Variants in RNF43 observed in about 807,000 individuals in gnomAD.
The protein encoded by RNF43 is ring finger protein 43.
In RNF43, 37 loss-of-function variants were observed where a neutral mutation model predicts 78.4. That is an observed-to-expected ratio of 0.47 (90% confidence interval 0.36 to 0.62). RNF43 has a LOEUF of 0.62. RNF43 is among the 20% of genes least tolerant of loss of function. The probability of loss-of-function intolerance (pLI) is 0.00; values close to 1 mark genes in which losing one functional copy is unlikely to be tolerated. For missense variants in RNF43, 774 were observed against 1,007.9 expected (o/e 0.77, Z 3.14); for synonymous variants, 347 against 395.0 (o/e 0.88, Z 1.44).
rs1434982757 is a variant in RNF43 at position 58,357,233 on chromosome 17, TC to T, written c.2308+234del. 1 of 715,306 alleles carries T rather than the reference TC, an allele frequency of 1.4e-6. No homozygotes were observed. The highest frequency in any genetic ancestry group is 2.5e-6 in the Non-Finnish European group (1 of 396,258). 44.3% of individuals were successfully genotyped at this position (715,306 alleles called of 1,614,324 possible). On this transcript the variant is annotated intron_variant, in intron 9 of 9. Transcript: ENST00000407977. This position sits in a 1 kb window ranked among gnomAD's most constrained non-coding sequence, Gnocchi z 4.5. ...CTGATGCCTCAGCCACACCAGCACC[TC>T]CCTGGGACCTCCCTGTGATCTGCCA...
intron 2 of RNF43, among the ~76,000 whole-genome samples, chr17:58,405,068 CTTTTTTTTTTTTTTT>C (rs35147601): frequency 2.5e-5 from 2 of 79,604 alleles, no homozygotes; most frequent in Non-Finnish European, 4.8e-5. Context: ...TGTAGTACTT[CTTTTTTTTTTTTTTT>C]TTTTTTTTTT....
At chr17:58,372,630 C>T (rs2143524825) in intron 2 of RNF43, among the ~76,000 whole-genome samples, 1 of 152,304 alleles carries the variant, frequency 6.6e-6, no homozygotes, top group Non-Finnish European at 1.5e-5. Context: ...AAGAGAGGCT[C>T]CTTGCCTTAA....
intron 3 of RNF43, among the ~76,000 whole-genome samples, chr17:58,368,763 ATATTTAT>A (rs1973010679): frequency 6.6e-6 from 1 of 152,146 alleles, no homozygotes; most frequent in African/African-American, 2.4e-5. Context: ...CAAACTAACT[ATATTTAT>A]TACTTACAAT....
At chr17:58,378,959 TGCTAACA>T (rs1238320180) in intron 2 of RNF43, among the ~76,000 whole-genome samples, 3 of 152,186 alleles carry the variant, frequency 2.0e-5, no homozygotes, top group African/African-American at 7.2e-5. Flanking sequence ...AGATGTAAAT[TGCTAACA>T]GCTGAGCCTG....
intron 6 of RNF43, among the ~76,000 whole-genome samples, chr17:58,361,961 A>G (rs1972842384): frequency 6.6e-6 from 1 of 152,166 alleles, no homozygotes; most frequent in African/African-American, 2.4e-5. Context: ...TACAAAAATT[A>G]GTAGCTCCCA....
chr17:58,364,646 T>G (rs1276228057), intron 3 of RNF43, among the ~76,000 whole-genome samples: 1 of 152,216 alleles, frequency 6.6e-6, no homozygotes, highest in Non-Finnish European at 1.5e-5. Context: ...AAGGTTCATC[T>G]TCTAATGGCA....
Position 58,415,681 on chromosome 17 carries a change from T to C in RNF43, c.-104A>G. The C allele has an allele frequency of 1.5e-6, 2 of 1,359,526 alleles. No individual in the cohort carries two copies. The highest frequency in any genetic ancestry group is 2.0e-6 in the Non-Finnish European group (2 of 1,005,008). 84.2% of individuals were successfully genotyped at this position (1,359,526 alleles called of 1,614,324 possible). The stretch of plus-strand genomic sequence containing the variant: ...GACAAATGGAGGAAAAGAACATTTA[T>C]GCTTCCGTTTCAGAAAGCCAAGTCG... On this transcript the variant is annotated 5_prime_UTR_variant, in exon 2 of 10. Coordinates refer to ENST00000407977, the MANE Select transcript of RNF43 (RefSeq NM_017763.6).
Position 58,358,798 on chromosome 17 carries a change from C to A in RNF43, c.978G>T (p.Leu326=), listed in dbSNP as rs2143428132. 6.5e-7 allele frequency: 1 copy of A among 1,528,460 alleles called. No individual in the cohort carries two copies. Among genetic ancestry groups the A allele is most frequent in the Non-Finnish European group, 8.8e-7 (1 of 1,138,848 alleles). The allele number at this position is 1,528,460 out of a possible 1,614,324, so 94.7% of individuals were successfully genotyped here. The change falls in exon 9 of 10, where the codon CTG becomes CTT. Residue 326 remains leucine (L), a synonymous_variant. Coordinates refer to ENST00000407977, the MANE Select transcript of RNF43 (RefSeq NM_017763.6). The surrounding 1 kb of genome is among the most constrained non-coding windows in gnomAD (Gnocchi z 6.2). ...ITEGDSFSQS[L]GPSRSYQEPG... is the part of the protein sequence containing the mutation. ...GTTCTTGGTAAGATCGAGAGGGTCCCAGGGACTGGGAAAATGAATCTCCCT... is the reference window on the plus strand; with the variant it reads ...GTTCTTGGTAAGATCGAGAGGGTCCAAGGGACTGGGAAAATGAATCTCCCT...
Position 58,361,019 on chromosome 17 carries a change from C to A in RNF43, c.688-75G>T, listed in dbSNP as rs970969169. 3 of 1,410,736 alleles carry A rather than the reference C, an allele frequency of 2.1e-6. No individual in the cohort carries two copies. The African/African-American group carries it at 4.4e-5, about 21-fold the overall frequency. 87.4% of individuals were successfully genotyped at this position (1,410,736 alleles called of 1,614,324 possible). On this transcript the variant is annotated intron_variant, in intron 6 of 9. Transcript: ENST00000407977. ...CCTCTCTGGACCCAAGCTTGGACTC[C>A]GTTCCCAGTCACTCAGGTAGATCAC...
chr17:58,358,025 C>T lies in RNF43; in HGVS notation c.1751G>A (p.Arg584Gln), dbSNP rs372159496. The part of the protein sequence containing the change: ...GVPQSRPPIP[R>Q]TQPQPEPPSP... ...AGGTGGCTCTGGCTGGGGCTGTGTC[C>T]GAGGAATAGGAGGCCTGGACTGGGG... The change falls in exon 9 of 10, where the codon CGG becomes CAG. Residue 584 changes from arginine to glutamine, a missense_variant. By Grantham distance (43) the Arg-to-Gln change is conservative. Coordinates refer to ENST00000407977, the MANE Select transcript of RNF43 (RefSeq NM_017763.6). The surrounding 1 kb of genome is among the most constrained non-coding windows in gnomAD (Gnocchi z 6.2). The T allele has an allele frequency of 1.5e-5, 24 of 1,592,028 alleles. No homozygotes were observed. Among genetic ancestry groups the T allele is most frequent in the African/African-American group, 8.1e-5 (6 of 74,146 alleles).
chr17:58,403,945 G>C (rs532448555), intron 2 of RNF43, among the ~76,000 whole-genome samples: 1 of 152,304 alleles, frequency 6.6e-6, no homozygotes, highest in Admixed American at 6.5e-5. Flanking sequence ...GATTCACTTA[G>C]GTGCAGGTTA....
Position 58,358,532 on chromosome 17 carries a change from C to T in RNF43, c.1244G>A (p.Gly415Asp), listed in dbSNP as rs1263941862. 8.1e-6 allele frequency: 13 copies of T among 1,613,062 alleles called. No individual in the cohort carries two copies. Among genetic ancestry groups the T allele is most frequent in the Non-Finnish European group, 1.0e-5 (12 of 1,179,556 alleles). The change falls in exon 9 of 10, where the codon GGC (glycine) becomes GAC (aspartate). Residue 415 changes from glycine (G) to aspartate (D), a missense_variant. Transcript: ENST00000407977. This position sits in a 1 kb window ranked among gnomAD's most constrained non-coding sequence, Gnocchi z 6.2. ...LAGAQHPYAQGWGLSHLQSTS... is the reference protein window; with the variant it reads ...LAGAQHPYAQDWGLSHLQSTS... Reference sequence around the variant, plus strand: ...GGATTGGAGGTGGCTCAGTCCCCAGCCTTGTGCATAGGGGTGCTGGGCTCC... The same window carrying T: ...GGATTGGAGGTGGCTCAGTCCCCAGTCTTGTGCATAGGGGTGCTGGGCTCC...
Position 58,415,654 on chromosome 17 carries a change from CAGACAAATGG to C in RNF43, c.-87_-78del. The C allele has an allele frequency of 6.6e-7, 1 of 1,512,228 alleles. No homozygotes were observed. The highest frequency in any genetic ancestry group is 1.2e-5 in the South Asian group (1 of 86,646). The allele number at this position is 1,512,228 out of a possible 1,614,324, so 93.7% of individuals were successfully genotyped here. On this transcript the variant is annotated 5_prime_UTR_variant, in exon 2 of 10. The change creates a premature stop within an existing upstream ORF in the 5' untranslated region. Transcript: ENST00000407977. ...AATACCAAATGCAGGTTCTCAGATC[CAGACAAATGG>C]AGGAAAAGAACATTTATGCTTCCGT...
At position 58,358,364 on chromosome 17, in the gene RNF43, C is replaced by G. The variant is rs2143413215; in HGVS notation, c.1412G>C (p.Cys471Ser). ...CACAGAGTCACTGGAAGAGCCATGA[C>G]AGGGCCCTGAGCTGGAGTCACTGGC... ...GPASDSSSGP[C>S]HGSSSDSVVN... is the part of the protein sequence containing the mutation. Residue 471 changes from cysteine to serine, a missense_variant, in exon 9 of 10, where the codon TGT becomes TCT. By Grantham distance (112) the Cys-to-Ser change is moderately radical. Coordinates refer to ENST00000407977, the MANE Select transcript of RNF43 (RefSeq NM_017763.6). The surrounding 1 kb of genome is among the most constrained non-coding windows in gnomAD (Gnocchi z 6.2). 1 of 1,614,182 alleles carries G rather than the reference C, an allele frequency of 6.2e-7. No homozygotes were observed. The highest frequency in any genetic ancestry group is 8.5e-7 in the Non-Finnish European group (1 of 1,180,034).
intron 1 of RNF43, chr17:58,416,763 T>C (rs1974135806): frequency 1.3e-5 from 2 of 152,218 alleles, no homozygotes; most frequent in Non-Finnish European, 2.9e-5. Flanking sequence ...GTGCTATTTC[T>C]AGGCACTATG....
At chr17:58,390,766 G>A (rs557349302) in intron 2 of RNF43, among the ~76,000 whole-genome samples, 217 of 152,228 alleles carry the variant, frequency 1.4e-3, no homozygotes, top group Non-Finnish European at 2.0e-3. Flanking sequence ...ATTGCTTAGC[G>A]AAAGTAGCAA....
intron 6 of RNF43, 76 bp downstream of exon 6, chr17:58,362,468 A>G (rs1431895561): frequency 1.2e-5 from 12 of 1,033,732 alleles, no homozygotes; most frequent in Admixed American, 2.3e-5. Flanking sequence ...TTCTTCACGT[A>G]CTCCTTCCTT....
chr17:58,367,513 C>T (rs1444357856), intron 3 of RNF43, among the ~76,000 whole-genome samples: 1 of 152,204 alleles, frequency 6.6e-6, no homozygotes, highest in Non-Finnish European at 1.5e-5. Context: ...CTGTTCTTTA[C>T]TACCAGGTAG....
At position 58,413,967 on chromosome 17, in the gene RNF43, G is replaced by A. The variant is rs529714164; in HGVS notation, c.252+1359C>T. Among the ~76,000 whole-genome samples the A allele has an allele frequency of 7.2e-5, 11 of 152,280 alleles. No individual in the cohort carries two copies. In the South Asian group the frequency reaches 2.3e-3, roughly 32 times the overall value. ...GTATTAACTAGGCAAGGCCAGGAAG[G>A]AAGTTTCCTTTCCAATTGCCATAGT... On this transcript the variant is annotated intron_variant, in intron 2 of 9. Coordinates refer to ENST00000407977, the MANE Select transcript of RNF43 (RefSeq NM_017763.6).
Sources: gnomAD v4.1 joint callset for allele counts (sites outside exome capture counted in the v4.1 genomes callset) on GRCh38, gnomAD v4.1.1 for gene constraint, Gnocchi (gnomAD v3.1) non-coding constraint, MANE v1.5 for transcripts, NCBI Gene and HGNC (gene_info 2026-07-23, HGNC 2026-07-21) for gene names.